The following BRMS1L variants were observed in gnomAD, a reference collection of about 807,000 sequenced individuals.
The protein encoded by BRMS1L is breast cancer metastasis-suppressor 1-like protein.
A neutral mutation model predicts 50.3 loss-of-function variants in BRMS1L; 23 were observed. That is an observed-to-expected ratio of 0.46 (90% CI 0.33 to 0.65). The LOEUF (loss-of-function observed/expected upper bound fraction) is 0.65. BRMS1L is among the 30% of genes least tolerant of loss of function. BRMS1L has a pLI of 0.02. For synonymous variants in BRMS1L, 114 were observed against 126.9 expected (o/e 0.90, Z 0.69); for missense variants, 286 against 386.1 (o/e 0.74, Z 2.17).
intron 1 of BRMS1L, among the ~76,000 whole-genome samples, chr14:35,831,028 A>G (rs2142036429): frequency 6.6e-6 from 1 of 150,656 alleles, no homozygotes; most frequent in South Asian, 2.1e-4. Flanking sequence ...GCAGCCTCCA[A>G]CTCCTGGGCT....
At chr14:35,865,701 T>C in intron 7 of BRMS1L, 21 bp from the exon 8 acceptor site, 4 of 775,584 alleles carry the variant, frequency 5.2e-6, no homozygotes, top group South Asian at 5.3e-5. Context: ...TTCTTCCTCT[T>C]TTTTTTTTTT....
intron 4 of BRMS1L, among the ~76,000 whole-genome samples, chr14:35,851,910 T>A (rs10134876): frequency 1.8e-4 from 28 of 152,188 alleles, no homozygotes; most frequent in Non-Finnish European, 3.8e-4. Flanking sequence ...TTTCCCGTTG[T>A]GTATTCTTGG....
At chr14:35,830,155 C>T (rs2077900299) in intron 1 of BRMS1L, among the ~76,000 whole-genome samples, 1 of 152,208 alleles carries the variant, frequency 6.6e-6, no homozygotes, top group Non-Finnish European at 1.5e-5. Context: ...CCACAACCTC[C>T]ACCTCCTGGG....
At chr14:35,862,483 C>G (rs2078365439) in intron 4 of BRMS1L, 107 bp from the exon 5 acceptor site, 5 of 487,102 alleles carry the variant, frequency 1.0e-5, no homozygotes, top group Admixed American at 4.0e-5. Context: ...ATTGAAAAAG[C>G]AAACCAAAGC....
At chr14:35,857,747 T>C (rs2078299715) in intron 4 of BRMS1L, among the ~76,000 whole-genome samples, 2 of 152,156 alleles carry the variant, frequency 1.3e-5, no homozygotes, top group South Asian at 4.1e-4. Context: ...TTATAAATAT[T>C]GTTTACTGAG....
At chr14:35,832,735 T>C (rs1027994821) in intron 2 of BRMS1L, among the ~76,000 whole-genome samples, 1 of 152,218 alleles carries the variant, frequency 6.6e-6, no homozygotes, top group African/African-American at 2.4e-5. Context: ...AAGTAGTTAT[T>C]TCAATTTTAT....
intron 4 of BRMS1L, among the ~76,000 whole-genome samples, chr14:35,837,370 C>G (rs2078008953): frequency 6.6e-6 from 1 of 152,098 alleles, no homozygotes; most frequent in East Asian, 1.9e-4. Flanking sequence ...GCAATTTTCT[C>G]TCTTTTGTAT....
At chr14:35,868,065 A>G (rs1168661824) in intron 9 of BRMS1L, 33 bp downstream of exon 9, 2 of 1,560,804 alleles carry the variant, frequency 1.3e-6, no homozygotes, top group South Asian at 2.5e-5. Flanking sequence ...AGTGTTGCTC[A>G]GTATTGTCAT....
intron 4 of BRMS1L, among the ~76,000 whole-genome samples, chr14:35,848,379 C>CTATGTGAGTCTTTCTG (rs2078164952): frequency 1.3e-5 from 2 of 151,742 alleles, no homozygotes; most frequent in African/African-American, 2.4e-5. Context: ...GAGTCTTTCT[C>CTATGTGAGTCTTTCTG]TGTTGCTATG....
chr14:35,839,032 T>G (rs2078028563), intron 4 of BRMS1L, among the ~76,000 whole-genome samples: 1 of 152,236 alleles, frequency 6.6e-6, no homozygotes, highest in African/African-American at 2.4e-5. Context: ...TAATCCATCT[T>G]GAGTTAATTT....
chr14:35,841,881 T>C (rs927217275), intron 4 of BRMS1L, among the ~76,000 whole-genome samples: 3 of 152,212 alleles, frequency 2.0e-5, no homozygotes, highest in Non-Finnish European at 2.9e-5. Context: ...ATATTTAGGA[T>C]AGTTAGTTTC....
At chr14:35,861,049 C>G (rs1222530373) in intron 4 of BRMS1L, among the ~76,000 whole-genome samples, 1 of 152,108 alleles carries the variant, frequency 6.6e-6, no homozygotes, top group African/African-American at 2.4e-5. Context: ...ATTTTCCATT[C>G]AGGGGAGGTT....
intron 4 of BRMS1L, among the ~76,000 whole-genome samples, chr14:35,846,190 T>C (rs2078131280): frequency 6.6e-6 from 1 of 151,740 alleles, no homozygotes; most frequent in Admixed American, 6.6e-5. Flanking sequence ...AGTTTGAGAC[T>C]AGCCTGGGTA....
At chr14:35,832,178 A>G (rs1595659376) in intron 2 of BRMS1L, among the ~76,000 whole-genome samples, 1 of 152,076 alleles carries the variant, frequency 6.6e-6, no homozygotes, top group South Asian at 2.1e-4. Context: ...TTTTACCTTC[A>G]TTAGTCTACT....
At chr14:35,870,337 C>G (rs748093327) in intron 9 of BRMS1L, 23 bp from the exon 10 acceptor site, 1 of 1,360,250 alleles carries the variant, frequency 7.4e-7, no homozygotes, top group African/African-American at 1.5e-5. Context: ...TTCATTCATT[C>G]ATTCTTTTTT....
chr14:35,841,615 A>G (rs928476295), intron 4 of BRMS1L, among the ~76,000 whole-genome samples: 3 of 152,198 alleles, frequency 2.0e-5, no homozygotes, highest in Non-Finnish European at 2.9e-5. Flanking sequence ...CAATTTTATA[A>G]TAAGTATGAT....
chr14:35,853,573 C>G (rs2078241895), intron 4 of BRMS1L, among the ~76,000 whole-genome samples: 1 of 151,690 alleles, frequency 6.6e-6, no homozygotes, highest in Admixed American at 6.6e-5. Flanking sequence ...ACCATCACAC[C>G]TGGCTAATTA....
At chr14:35,860,996 C>G (rs1024296783) in intron 4 of BRMS1L, among the ~76,000 whole-genome samples, 2 of 152,090 alleles carry the variant, frequency 1.3e-5, no homozygotes, top group African/African-American at 4.8e-5. Flanking sequence ...AGAGTTAGCC[C>G]CCTTCTTTTC....
intron 4 of BRMS1L, among the ~76,000 whole-genome samples, chr14:35,846,009 A>C (rs1472957929): frequency 6.6e-6 from 1 of 152,220 alleles, no homozygotes; most frequent in Non-Finnish European, 1.5e-5. Context: ...TTACAGCATG[A>C]TGCACTTTTA....
Sources: allele counts gnomAD v4.1 joint callset (sites outside exome capture counted in the v4.1 genomes callset), GRCh38; gene constraint gnomAD v4.1.1; transcripts MANE v1.5; gene names NCBI Gene and HGNC (gene_info 2026-07-23, HGNC 2026-07-21).